Variants in KAT14 observed in about 807,000 individuals in gnomAD.
KAT14 encodes lysine acetyltransferase 14, also known as cysteine-rich protein 2-binding protein.
Under a neutral mutation model 78.4 loss-of-function variants are expected in KAT14, and 66 were observed. The observed-to-expected ratio is 0.84, with a 90% CI of 0.69 to 1.03. The LOEUF is 1.03. KAT14 is among the 50% of genes least tolerant of loss of function. KAT14 has a pLI of 0.00. For synonymous variants in KAT14, 344 were observed against 359.4 expected (o/e 0.96, Z 0.48); for missense variants, 870 against 972.5 (o/e 0.89, Z 1.40).
Position 18,181,364 on chromosome 20 carries a change from C to CTTTTTTTTTTTTTT in KAT14, c.1669-337_1669-324dup, listed in dbSNP as rs762890490. On this transcript the variant is annotated intron_variant, in intron 7 of 10. Transcript: ENST00000688188. ...ACCAATCCTCAGAGTAATTTTGTTT[C>CTTTTTTTTTTTTTT]TTTTTTTTTTTTTTTTTTTTTTGAG... is the stretch of plus-strand genomic sequence containing the variant. Among the ~76,000 whole-genome samples the CTTTTTTTTTTTTTT allele has an allele frequency of 2.5e-4, 27 of 106,802 alleles. 1 individual carries two copies. The highest frequency in any genetic ancestry group is 8.5e-4 in the African/African-American group (23 of 27,064). 70.1% of individuals were successfully genotyped at this position (106,802 alleles called of 152,430 possible). A position where few individuals can be genotyped will look rare whatever the true frequency, so the allele number is the denominator to read the frequency against.
intron 1 of KAT14, among the ~76,000 whole-genome samples, chr20:18,140,883 G>T (rs1294637696): frequency 2.0e-5 from 3 of 150,034 alleles, no homozygotes; most frequent in Non-Finnish European, 4.4e-5. Context: ...TTTTGAGATG[G>T]GGCTTGTTCT....
chr20:18,180,241 A>G (rs1024271010), intron 7 of KAT14, among the ~76,000 whole-genome samples: 2 of 152,190 alleles, frequency 1.3e-5, no homozygotes, highest in Non-Finnish European at 2.9e-5. Flanking sequence ...TCTCAAATTC[A>G]GAGTTCCACA....
chr20:18,169,793 C>G (rs1349180928), intron 7 of KAT14, among the ~76,000 whole-genome samples: 1 of 152,240 alleles, frequency 6.6e-6, no homozygotes, highest in African/African-American at 2.4e-5. Context: ...AGCGAGGCCT[C>G]TTGTGCCAAA....
chr20:18,143,785 GC>G (rs1568662667), intron 2 of KAT14, among the ~76,000 whole-genome samples: 1 of 152,050 alleles, frequency 6.6e-6, no homozygotes, highest in African/African-American at 2.4e-5. Context: ...GCGCCACCAT[GC>G]CCGGCCAATT....
intron 9 of KAT14, among the ~76,000 whole-genome samples, chr20:18,184,121 C>T (rs2039365060): frequency 6.6e-6 from 1 of 152,172 alleles, no homozygotes; most frequent in African/African-American, 2.4e-5. Flanking sequence ...GCATATTTTA[C>T]TTATTTATTG....
chr20:18,151,231 C>G (rs1294438429), intron 4 of KAT14, among the ~76,000 whole-genome samples: 1 of 151,758 alleles, frequency 6.6e-6, no homozygotes. Flanking sequence ...GAGTCTTGCT[C>G]TCTCCCCCAG....
upstream of KAT14, chr20:18,137,831 C>A: frequency 2.0e-6 from 2 of 1,024,240 alleles, no homozygotes; most frequent in Non-Finnish European, 2.6e-6. Flanking sequence ...GAGCGGCGCA[C>A]GCGACGGCTG....
intron 7 of KAT14, among the ~76,000 whole-genome samples, chr20:18,170,807 G>A (rs1366729754): frequency 1.3e-5 from 2 of 152,310 alleles, no homozygotes; most frequent in East Asian, 3.9e-4. Context: ...AAAGTGCTGG[G>A]ATTACAGGCA....
rs922658284 is a variant in KAT14, at chr20:18,187,997, G to C, written c.*538G>C. ...TTTTGTTGTTTCTTTTGCTGACTTT[G>C]GTTACAGTCAGAAAAAATAAACTAG... On this transcript the variant is annotated 3_prime_UTR_variant, in exon 11 of 11. Coordinates refer to ENST00000688188, the MANE Select transcript of KAT14 (RefSeq NM_001392073.1). The C allele has an allele frequency of 2.6e-5, 4 of 154,828 alleles. No homozygotes were observed. The highest frequency in any genetic ancestry group is 9.6e-5 in the African/African-American group (4 of 41,464). The allele number at this position is 154,828 out of a possible 1,614,324, so 9.6% of individuals were successfully genotyped here.
intron 10 of KAT14, among the ~76,000 whole-genome samples, chr20:18,186,360 G>A (rs62205124): frequency 0.11 from 16,012 of 152,194 alleles, 905 homozygotes; most frequent in Middle Eastern, 0.18. Flanking sequence ...CACAAAATTT[G>A]CTTTAAAAAC....
At chr20:18,138,659 C>T (rs906912127) in intron 1 of KAT14, among the ~76,000 whole-genome samples, 7 of 152,132 alleles carry the variant, frequency 4.6e-5, no homozygotes, top group African/African-American at 9.7e-5. Context: ...GCTATGGAAA[C>T]TAGAATCTGG....
At chr20:18,169,404 C>G (rs139267275) in intron 7 of KAT14, among the ~76,000 whole-genome samples, 1 of 152,238 alleles carries the variant, frequency 6.6e-6, no homozygotes, top group East Asian at 1.9e-4. Flanking sequence ...CTGTGTCTCA[C>G]GTTTTGGCAG....
At chr20:18,187,215 C>T (rs2039477049) in intron 10 of KAT14, 71 bp from the exon 11 acceptor site, 4 of 1,515,632 alleles carry the variant, frequency 2.6e-6, no homozygotes, top group Non-Finnish European at 3.5e-6. Context: ...CACTTAAAAG[C>T]GTTTCTTTAC....
At chr20:18,143,799 G>T (rs2037704735) in intron 2 of KAT14, among the ~76,000 whole-genome samples, 1 of 151,628 alleles carries the variant, frequency 6.6e-6, no homozygotes, top group African/African-American at 2.4e-5. Flanking sequence ...GGCCAATTTT[G>T]TATTTTTAGT....
At position 18,183,203 on chromosome 20, in the gene KAT14, G is replaced by C. The variant is rs2039325421; in HGVS notation, c.1886G>C (p.Trp629Ser). The change falls in exon 9 of 11, where the codon TGG becomes TCG. Residue 629 changes from tryptophan (W) to serine (S), a missense_variant. Physicochemically the swap from Trp to Ser is radical, Grantham distance 177. Coordinates refer to ENST00000688188, the MANE Select transcript of KAT14 (RefSeq NM_001392073.1). ...CACCTGCACAGGAGCGACCCTCACT[G>C]GACGCCGGAGCCCGACGCACCTCTC... ...RSHLHRSDPH[W>S]TPEPDAPLDY... 6.2e-7 allele frequency: 1 copy of C among 1,614,046 alleles called. No homozygotes were observed. Among genetic ancestry groups the C allele is most frequent in the Non-Finnish European group, 8.5e-7 (1 of 1,180,026 alleles).
chr20:18,181,731 G>A lies in KAT14; in HGVS notation c.1690G>A (p.Gly564Arg), dbSNP rs1438507961. ...ATAGACTTCCTTGCCGTCCAGGAAG[G>A]GATTTCGACACCAGACCACCAAGTT... ...RYQTSLPSRK[G>R]FRHQTTKFLY... Residue 564 changes from glycine to arginine, a missense_variant, in exon 8 of 11, where the codon GGA becomes AGA. Transcript: ENST00000688188. 6.2e-7 allele frequency: 1 copy of A among 1,614,100 alleles called. No individual in the cohort carries two copies. Among genetic ancestry groups the A allele is most frequent in the Admixed American group, 1.7e-5 (1 of 60,012 alleles).
chr20:18,138,536 C>A, intron 1 of KAT14: 2 of 858,400 alleles, frequency 2.3e-6, no homozygotes, highest in Non-Finnish European at 2.8e-6. Flanking sequence ...GTTTTACGTG[C>A]TATTGATTTT....
In KAT14 at chr20:18,181,806, G is replaced by A. The variant is rs948622729; in HGVS notation, c.1765G>A (p.Val589Ile). The A allele has an allele frequency of 1.2e-6, 2 of 1,614,134 alleles. No individual in the cohort carries two copies. Among genetic ancestry groups the A allele is most frequent in the African/African-American group, 2.7e-5 (2 of 75,032 alleles). The change falls in exon 8 of 11, where the codon GTC (valine) becomes ATC (isoleucine). Residue 589 changes from valine (V) to isoleucine (I), a missense_variant. Val to Ile is a conservative substitution (Grantham distance 29). Transcript: ENST00000688188. ...AGATATGGCTGTGGACCAGAGTATTGTCAGCCCTTATACCTCTCGGATCTT... is the reference window on the plus strand; with the variant it reads ...AGATATGGCTGTGGACCAGAGTATTATCAGCCCTTATACCTCTCGGATCTT... ...SEDMAVDQSI[V>I]SPYTSRILKP...
At position 18,161,921 on chromosome 20, in the gene KAT14, A is replaced by C; in HGVS notation, c.781A>C (p.Arg261=). The change falls in exon 6 of 11, where the codon AGG becomes CGG. Residue 261 remains arginine, a synonymous_variant. Transcript: ENST00000688188. ...VESAMELKEK[R]SRTQEAKDIR... ...ATCTGCCATGGAATTAAAAGAGAAAAGGTCTCGAACTCAGGAAGCAAAAGA... is the reference window on the plus strand; with the variant it reads ...ATCTGCCATGGAATTAAAAGAGAAACGGTCTCGAACTCAGGAAGCAAAAGA... The C allele has an allele frequency of 2.5e-6, 4 of 1,614,226 alleles. No individual in the cohort carries two copies. Among genetic ancestry groups the C allele is most frequent in the Non-Finnish European group, 3.4e-6 (4 of 1,180,054 alleles).
Sources: gnomAD v4.1 joint callset for allele counts (sites outside exome capture counted in the v4.1 genomes callset) on GRCh38, gnomAD v4.1.1 for gene constraint, MANE v1.5 for transcripts, NCBI Gene and HGNC (gene_info 2026-07-23, HGNC 2026-07-21) for gene names.